Variants in DICER1 observed in about 807,000 individuals in gnomAD.
DICER1 encodes the protein dicer 1, ribonuclease III.
Under a neutral mutation model 194.1 loss-of-function variants are expected in DICER1, and 43 were observed. The observed-to-expected ratio is 0.22, with a 90% confidence interval of 0.17 to 0.29. DICER1 has a LOEUF of 0.29. DICER1 is among the 10% of genes least tolerant of loss of function. DICER1 has a pLI of 1.00. For missense variants in DICER1, 1,608 were observed against 2,317.0 expected (o/e 0.69, Z 6.28); for synonymous variants, 832 against 820.5 (o/e 1.01, Z -0.24).
At chr14:95,149,728 C>T in intron 1 of DICER1, among the ~76,000 whole-genome samples, 1 of 152,142 alleles carries the variant, frequency 6.6e-6, no homozygotes, top group Non-Finnish European at 1.5e-5. Flanking sequence ...AGTAAATATC[C>T]ATGAATAATT....
At position 95,133,669 on chromosome 14, in the gene DICER1, G is replaced by C. The variant is rs10139161; in HGVS notation, c.-45-166C>G. ...CTAAGAGGATCATTTTAGGAGTCAA[G>C]CATTCTGTACCTTACCCAGTGATTC... On this transcript the variant is annotated intron_variant, in intron 1 of 26. Transcript: ENST00000343455. Among the ~76,000 whole-genome samples, 89,400 of 152,012 alleles carry C rather than the reference G, an allele frequency of 0.59. 28,546 individuals are homozygous for C. The highest frequency in any genetic ancestry group is 0.77 in the South Asian group (3,722 of 4,820).
chr14:95,133,252 A>C, intron 2 of DICER1, 63 bp downstream of exon 2: 2 of 1,567,224 alleles, frequency 1.3e-6, no homozygotes, highest in Non-Finnish European at 1.8e-6. Flanking sequence ...AGTTGTGTCA[A>C]CTATATGCTA....
chr14:95,133,172 A>G (rs1347572937), intron 2 of DICER1, 143 bp downstream of exon 2: 1 of 817,400 alleles, frequency 1.2e-6, no homozygotes, highest in Non-Finnish European at 2.0e-6. Flanking sequence ...GACTATTAAG[A>G]ATAAAAGTAT....
chr14:95,123,192 A>T (rs990763532), intron 8 of DICER1, among the ~76,000 whole-genome samples: 8 of 152,306 alleles, frequency 5.3e-5, no homozygotes, highest in African/African-American at 1.9e-4. Context: ...ATCTGACAGA[A>T]ATCTGAAGTA....
intron 21 of DICER1, among the ~76,000 whole-genome samples, chr14:95,102,971 G>GT (rs759641463): frequency 4.6e-5 from 7 of 152,266 alleles, no homozygotes; most frequent in Non-Finnish European, 1.0e-4. Flanking sequence ...TCAAATAAAT[G>GT]TTTAACTCAA....
chr14:95,121,271 C>T (rs2140170741), intron 8 of DICER1, among the ~76,000 whole-genome samples: 1 of 152,232 alleles, frequency 6.6e-6, no homozygotes, highest in African/African-American at 2.4e-5. Flanking sequence ...TGTGATATGA[C>T]ACCTTGGATT....
Position 95,115,840 on chromosome 14 carries a change from G to T in DICER1, c.1753-19C>A, listed in dbSNP as rs2140115362. On this transcript the variant is annotated intron_variant, in intron 10 of 26. Transcript: ENST00000343455. Reference sequence around the variant, plus strand: ...TCAAGATCTGAACATTTAAAAAACAGAACTTATGATGAAAACACATCCTCT... The same window carrying T: ...TCAAGATCTGAACATTTAAAAAACATAACTTATGATGAAAACACATCCTCT... 1 of 1,613,688 alleles carries T rather than the reference G, an allele frequency of 6.2e-7. No homozygotes were observed. Among genetic ancestry groups the T allele is most frequent in the Non-Finnish European group, 8.5e-7 (1 of 1,179,672 alleles).
intron 4 of DICER1, among the ~76,000 whole-genome samples, chr14:95,130,812 A>C (rs1226609381): frequency 6.6e-6 from 1 of 152,188 alleles, no homozygotes; most frequent in Non-Finnish European, 1.5e-5. Flanking sequence ...CTGCATGGAA[A>C]CATTCAGTTA....
intron 20 of DICER1, among the ~76,000 whole-genome samples, chr14:95,104,467 T>C (rs533279059): frequency 1.6e-4 from 24 of 152,290 alleles, no homozygotes; most frequent in African/African-American, 5.8e-4. Flanking sequence ...TTACATAAAC[T>C]CTCTGTGCCT....
intron 14 of DICER1, 69 bp downstream of exon 14, chr14:95,111,248 T>G: frequency 3.9e-4 from 606 of 1,539,702 alleles, no homozygotes; most frequent in Non-Finnish European, 4.9e-4. Context: ...GCAGAGGAAC[T>G]GAGATTTGAT....
At chr14:95,153,566 T>C (rs1370499050) in intron 1 of DICER1, among the ~76,000 whole-genome samples, 1 of 152,254 alleles carries the variant, frequency 6.6e-6, no homozygotes, top group Non-Finnish European at 1.5e-5. Flanking sequence ...TTATTCTTCA[T>C]ACAAGAGAAA....
intron 1 of DICER1, among the ~76,000 whole-genome samples, chr14:95,138,734 G>A (rs143369370): frequency 0.059 from 8,536 of 143,604 alleles, 305 homozygotes; most frequent in Middle Eastern, 0.12. Flanking sequence ...ACCAAACACC[G>A]CATATTCTCA....
intron 1 of DICER1, among the ~76,000 whole-genome samples, chr14:95,156,622 G>A (rs921413775): frequency 1.3e-5 from 2 of 152,238 alleles, no homozygotes; most frequent in African/African-American, 2.4e-5. Context: ...AGGGTCCTCC[G>A]CAGGGTCTAG....
intron 24 of DICER1, among the ~76,000 whole-genome samples, chr14:95,093,104 G>A (rs1280188904): frequency 6.6e-6 from 1 of 152,206 alleles, no homozygotes. Context: ...TTAAAAAGGG[G>A]AAGGTACAAA....
At chr14:95,133,535 A>G in intron 1 of DICER1, 32 bp from the exon 2 acceptor site, 3 of 1,455,328 alleles carry the variant, frequency 2.1e-6, no homozygotes, top group Non-Finnish European at 9.5e-7. Context: ...CCATTACACA[A>G]TCATGCAGGG....
intron 24 of DICER1, 190 bp from the exon 25 acceptor site, chr14:95,091,555 T>A: frequency 1.7e-6 from 1 of 591,562 alleles, no homozygotes; most frequent in Non-Finnish European, 2.9e-6. Flanking sequence ...TTTTTCAAAC[T>A]TCTCAAGAAA....
chr14:95,102,995 C>T (rs1342737879), intron 21 of DICER1, among the ~76,000 whole-genome samples: 1 of 152,218 alleles, frequency 6.6e-6, no homozygotes, highest in Non-Finnish European at 1.5e-5. Flanking sequence ...AGCAGAAGCT[C>T]CTTGACTGAC....
intron 1 of DICER1, chr14:95,140,656 T>C (rs769084214): frequency 5.9e-5 from 9 of 152,218 alleles, no homozygotes; most frequent in Non-Finnish European, 1.2e-4. Context: ...ATCACAGATT[T>C]ACCGTTTTAA....
In DICER1 at chr14:95,089,134, C is replaced by T. The variant is rs922267282; in HGVS notation, c.*1364G>A. 5 of 229,984 alleles carry T rather than the reference C, an allele frequency of 2.2e-5. No individual in the cohort carries two copies. The highest frequency in any genetic ancestry group is 6.7e-5 in the African/African-American group (3 of 44,560). The allele number at this position is 229,984 out of a possible 1,614,324, so 14.2% of individuals were successfully genotyped here. On this transcript the variant is annotated 3_prime_UTR_variant, in exon 27 of 27. Transcript: ENST00000343455. ...AAATGCATGCAAAAGAAAAGAAGAA[C>T]TGAGGTATTTAAGTGAAGAGTGCCT...
Sources: gnomAD v4.1 joint callset for allele counts (sites outside exome capture counted in the v4.1 genomes callset) on GRCh38, gnomAD v4.1.1 for gene constraint, MANE v1.5 for transcripts, NCBI Gene and HGNC (gene_info 2026-07-23, HGNC 2026-07-21) for gene names.